The following FN1 variants were observed in gnomAD, a reference collection of about 807,000 sequenced individuals.
The protein encoded by FN1 is fibronectin 1, also known as fibronectin.
Under a neutral mutation model 297.3 loss-of-function variants are expected in FN1, and 106 were observed. The observed-to-expected ratio is 0.36, with a 90% CI of 0.30 to 0.42. The LOEUF (loss-of-function observed/expected upper bound fraction) is 0.42. Ranked by LOEUF, FN1 falls within the 10% of genes least tolerant of loss-of-function variation. The pLI is 1.00. For missense variants in FN1, 2,690 were observed against 3,124.9 expected, an observed-to-expected ratio of 0.86 and a Z score of 3.32; for synonymous variants, 1,149 against 1,152.6, an observed-to-expected ratio of 1.00 and a Z score of 0.06.
At chr2:215,379,473 G>A in intron 33 of FN1, 156 bp from the exon 34 acceptor site, 1 of 634,990 alleles carries the variant, frequency 1.6e-6, no homozygotes, top group Non-Finnish European at 2.8e-6. Context: ...GTACAGTAAG[G>A]GATGCAAAAT....
chr2:215,414,111 AT>A (rs1219739615), intron 13 of FN1, among the ~76,000 whole-genome samples: 1 of 152,184 alleles, frequency 6.6e-6, no homozygotes, highest in African/African-American at 2.4e-5. Context: ...TAAAATGGAC[AT>A]TTTTTTCTCC....
In FN1 at chr2:215,376,533, G is replaced by A; in HGVS notation, c.5852C>T (p.Thr1951Ile). The change falls in exon 36 of 46, where the codon ACC becomes ATC. Residue 1951 changes from threonine to isoleucine, a missense_variant. By Grantham distance (89) the Thr-to-Ile change is moderately conservative. Around this residue, in one of 3 missense-constraint regions of FN1, gnomAD observed 1,743 missense variants for 1,945.2 expected, o/e 0.90. Transcript: ENST00000354785. Reference protein sequence around the residue: ...PANGQTPIQRTIKPDVRSYTI... With the variant: ...PANGQTPIQRIIKPDVRSYTI... ...GTAGCTTCTGACATCTGGCTTGATGGTTCTCTGGATTGGAGTCTGGCCATT... is the reference window on the plus strand; with the variant it reads ...GTAGCTTCTGACATCTGGCTTGATGATTCTCTGGATTGGAGTCTGGCCATT... 1 of 1,614,060 alleles carries A rather than the reference G, an allele frequency of 6.2e-7. No individual in the cohort carries two copies. Among genetic ancestry groups the A allele is most frequent in the East Asian group, 2.2e-5 (1 of 44,874 alleles).
In FN1 at chr2:215,423,373, T is replaced by TTC; in HGVS notation, c.1368_1369dup (p.Lys457ArgfsTer38). ...ACCAGCCATGGGGCAGAACCCAAACTTCTGGTCGGCATCATAGTTCTGTGT... is the reference window on the plus strand; with the variant it reads ...ACCAGCCATGGGGCAGAACCCAAACTTCTCTGGTCGGCATCATAGTTCTGTGT... On this transcript the variant is annotated frameshift_variant, in exon 9 of 46. Coordinates refer to ENST00000354785, the MANE Select transcript of FN1 (RefSeq NM_212482.4). LOFTEE classifies it high-confidence loss of function. The TTC allele has an allele frequency of 6.2e-7, 1 of 1,614,148 alleles. No individual in the cohort carries two copies. Among genetic ancestry groups the TTC allele is most frequent in the South Asian group, 1.1e-5 (1 of 91,074 alleles).
At chr2:215,361,825 T>C (rs1023152217) in intron 45 of FN1, 144 bp downstream of exon 45, 4 of 1,148,882 alleles carry the variant, frequency 3.5e-6, no homozygotes, top group African/African-American at 1.6e-5. Context: ...AACTATATTA[T>C]GGAATACAGT....
chr2:215,384,307 A>G (rs891177384), intron 29 of FN1, 123 bp from the exon 30 acceptor site: 14 of 966,622 alleles, frequency 1.4e-5, no homozygotes, highest in Non-Finnish European at 2.3e-5. Flanking sequence ...TTCCCTTTTA[A>G]AGAGCGCTAT....
Position 215,397,925 on chromosome 2 carries a change from T to C in FN1, c.3349-77A>G. The stretch of plus-strand genomic sequence containing the variant: ...TGTTACTGCTGTGAGGCTATGATTA[T>C]GCTTTAAATAGTGTAAACTCTTCAG... On this transcript the variant is annotated intron_variant, in intron 21 of 45. Coordinates refer to ENST00000354785, the MANE Select transcript of FN1 (RefSeq NM_212482.4). The C allele has an allele frequency of 4.7e-6, 6 of 1,283,792 alleles. No individual in the cohort carries two copies. The South Asian group carries it at 4.8e-5, about 10-fold the overall frequency. 79.5% of individuals were successfully genotyped at this position (1,283,792 alleles called of 1,614,324 possible).
intron 3 of FN1, 82 bp downstream of exon 3, chr2:215,433,242 G>C (rs900638719): frequency 3.6e-5 from 56 of 1,556,724 alleles, no homozygotes; most frequent in Non-Finnish European, 4.5e-5. Context: ...ATCCAGTCAT[G>C]GATAACAGAA....
At chr2:215,434,179 A>G (rs1333574140) in intron 2 of FN1, among the ~76,000 whole-genome samples, 1 of 151,826 alleles carries the variant, frequency 6.6e-6, no homozygotes, top group Non-Finnish European at 1.5e-5. Context: ...TGTTAATCCT[A>G]TGATTTCCAT....
At chr2:215,394,865 G>C (rs76623099) in intron 23 of FN1, 146 bp from the exon 24 acceptor site, 3 of 688,460 alleles carry the variant, frequency 4.4e-6, no homozygotes, top group Non-Finnish European at 7.8e-6. Context: ...TTCAATGCTT[G>C]CAACAATCCT....
At position 215,375,196 on chromosome 2, in the gene FN1, G is replaced by A; in HGVS notation, c.6157+18C>T. On this transcript the variant is annotated intron_variant, in intron 38 of 45. Transcript: ENST00000354785. ...CTAGGTAGTAAGAAGGAAAATGACA[G>A]CATGGAAGCAGCAATACCAGTAATA... The A allele has an allele frequency of 6.2e-7, 1 of 1,612,810 alleles. No individual in the cohort carries two copies. Among genetic ancestry groups the A allele is most frequent in the Non-Finnish European group, 8.5e-7 (1 of 1,178,826 alleles).
chr2:215,435,536 T>A (rs1200925182), intron 1 of FN1, 119 bp downstream of exon 1: 1 of 1,445,404 alleles, frequency 6.9e-7, no homozygotes. Flanking sequence ...CTGGTTTCTC[T>A]CAGTAAAGCG....
chr2:215,381,151 A>T (rs1461873413), intron 32 of FN1, 71 bp from the exon 33 acceptor site: 11 of 1,508,900 alleles, frequency 7.3e-6, no homozygotes, highest in Non-Finnish European at 1.0e-5. Context: ...TATAACATGC[A>T]AAGCAGTTTT....
intron 2 of FN1, among the ~76,000 whole-genome samples, chr2:215,434,163 G>A (rs2067034443): frequency 1.3e-5 from 2 of 152,090 alleles, no homozygotes; most frequent in South Asian, 2.1e-4. Flanking sequence ...ACAAGGCCTT[G>A]ACAGTTGTTA....
Position 215,381,099 on chromosome 2 carries a change from G to A in FN1, c.5165-19C>T. On this transcript the variant is annotated intron_variant, in intron 32 of 45. Transcript: ENST00000354785. ...TCAATGTCTGTTAGGCAAATTAATG[G>A]TAAGAGGTTATGTGAAAAGCAAGTT... 1 of 1,613,294 alleles carries A rather than the reference G, an allele frequency of 6.2e-7. No individual in the cohort carries two copies. The highest frequency in any genetic ancestry group is 8.5e-7 in the Non-Finnish European group (1 of 1,179,276).
chr2:215,418,461 T>C (rs1180343829), intron 12 of FN1, among the ~76,000 whole-genome samples: 1 of 152,248 alleles, frequency 6.6e-6, no homozygotes, highest in Non-Finnish European at 1.5e-5. Context: ...TGTTTCTGAA[T>C]GTAGGCCATA....
chr2:215,392,482 G>T (rs2059816161), intron 25 of FN1: 1 of 207,788 alleles, frequency 4.8e-6, no homozygotes, highest in Non-Finnish European at 9.9e-6. Flanking sequence ...CCTAAATTTT[G>T]ATGGGTTTTT....
At chr2:215,404,163 T>G (rs544341458) in intron 20 of FN1, among the ~76,000 whole-genome samples, 24 of 152,356 alleles carry the variant, frequency 1.6e-4, no homozygotes, top group Non-Finnish European at 3.2e-4. Flanking sequence ...TACTAAGCAG[T>G]GTGCTTTGTG....
chr2:215,373,452 C>A, intron 38 of FN1, 41 bp from the exon 39 acceptor site: 1 of 1,537,454 alleles, frequency 6.5e-7, no homozygotes, highest in Non-Finnish European at 9.0e-7. Context: ...TCAATGGGCT[C>A]AGCTAGTCAA....
chr2:215,412,385 C>T (rs560023568), intron 13 of FN1, among the ~76,000 whole-genome samples: 2 of 152,144 alleles, frequency 1.3e-5, no homozygotes, highest in South Asian at 4.2e-4. Context: ...TTTCATTTGT[C>T]AACAATAAGT....
Sources: gnomAD v4.1 joint callset for allele counts (sites outside exome capture counted in the v4.1 genomes callset) on GRCh38, gnomAD v4.1.1 for gene constraint, gnomAD v4.1.1 regional missense constraint, MANE v1.5 for transcripts, NCBI Gene and HGNC (gene_info 2026-07-23, HGNC 2026-07-21) for gene names.